Variants in CACNG8 observed in about 807,000 individuals in gnomAD.
CACNG8 encodes the protein calcium voltage-gated channel auxiliary subunit gamma 8, also known as voltage-dependent calcium channel gamma-8 subunit.
A neutral mutation model predicts 26.9 loss-of-function variants in CACNG8; 5 were observed. The ratio of observed to expected loss-of-function variants is 0.19; its 90% confidence interval spans 0.10 to 0.39. CACNG8 has a LOEUF of 0.39. Among genes scored for constraint, CACNG8 ranks in the 10% least tolerant of loss-of-function variants. The pLI is 1.00. For missense variants in CACNG8, 473 were observed against 609.4 expected (o/e 0.78, Z 2.36); for synonymous variants, 321 against 296.7 (o/e 1.08, Z -0.84).
intron 2 of CACNG8, among the ~76,000 whole-genome samples, chr19:53,978,975 A>C (rs903218148): frequency 8.4e-6 from 1 of 119,456 alleles, no homozygotes; most frequent in Non-Finnish European, 1.6e-5. Context: ...ACCCAGGAAG[A>C]TAGAGGAGGC....
Position 53,982,375 on chromosome 19 carries a change from C to T in CACNG8, c.804C>T (p.Phe268=). 1.3e-6 allele frequency: 2 copies of T among 1,530,648 alleles called. No individual in the cohort carries two copies. The highest frequency in any genetic ancestry group is 8.7e-7 in the Non-Finnish European group (1 of 1,144,148). The allele number at this position is 1,530,648 out of a possible 1,614,324, so 94.8% of individuals were successfully genotyped here. A position where few individuals can be genotyped will look rare whatever the true frequency, so the allele number is the denominator to read the frequency against. ...TCCTCCGTCTGCCCAGTTACCGCTT[C>T]CGCTACCGCCGCCGCTCCCGCTCTA... The change falls in exon 4 of 4, where the codon TTC becomes TTT. Residue 268 remains phenylalanine (F), a synonymous_variant. Transcript: ENST00000270458. The surrounding 1 kb of genome is among the most constrained non-coding windows in gnomAD (Gnocchi z 8.4).
At position 53,967,836 on chromosome 19, in the gene CACNG8, A is replaced by C. The variant is rs2069280101; in HGVS notation, c.283+4411A>C. 2.6e-5 allele frequency among the ~76,000 whole-genome samples: 4 copies of C among 152,134 alleles called. No individual in the cohort carries two copies. The South Asian group carries it at 8.3e-4, about 32-fold the overall frequency. The stretch of plus-strand genomic sequence containing the variant: ...GGCAACAGAGAGAGACTCTAAGAAA[A>C]AAAAACTTTTTTTTTTGAATTCCAT... On this transcript the variant is annotated intron_variant, in intron 1 of 3. Transcript: ENST00000270458.
rs748557769 is a variant in CACNG8 at position 53,982,192 on chromosome 19, C to T, written c.621C>T (p.Tyr207=). 5 of 1,613,094 alleles carry T rather than the reference C, an allele frequency of 3.1e-6. No homozygotes were observed. In the African/African-American group the frequency reaches 4.0e-5, roughly 13 times the overall value. The change falls in exon 4 of 4, where the codon TAC becomes TAT. Residue 207 remains tyrosine (Y), a synonymous_variant. Transcript: ENST00000270458. This position sits in a 1 kb window ranked among gnomAD's most constrained non-coding sequence, Gnocchi z 8.4. ...ACTACTCGTACGGCTGGTCCTTCTA[C>T]TTCGGCGGGCTGTCGTTCATCCTGG...
At position 53,988,685 on chromosome 19, in the gene CACNG8, T is replaced by A. The variant is rs80109311; in HGVS notation, c.*5836T>A. On this transcript the variant is annotated 3_prime_UTR_variant, in exon 4 of 4. Coordinates refer to ENST00000270458, the MANE Select transcript of CACNG8 (RefSeq NM_031895.6). Reference sequence around the variant, plus strand: ...AGATAGGGAGATGGGAGGCAGAAAATTGCATCCTGCAATTAGCTGTCACAG... The same window carrying A: ...AGATAGGGAGATGGGAGGCAGAAAAATGCATCCTGCAATTAGCTGTCACAG... 0.036 allele frequency: 5,341 copies of A among 149,054 alleles called. 106 individuals are homozygous for A. Among genetic ancestry groups the A allele is most frequent in the South Asian group, 0.056 (264 of 4,710 alleles). 9.2% of individuals were successfully genotyped at this position (149,054 alleles called of 1,614,324 possible). A position where few individuals can be genotyped will look rare whatever the true frequency, so the allele number is the denominator to read the frequency against.
At position 53,981,531 on chromosome 19, in the gene CACNG8, C is replaced by G. The variant is rs550598110; in HGVS notation, c.509-549C>G. Among the ~76,000 whole-genome samples the G allele has an allele frequency of 5.3e-4, 81 of 151,904 alleles. 1 individual carries two copies. In the East Asian group the frequency reaches 0.015, roughly 28 times the overall value. On this transcript the variant is annotated intron_variant, in intron 3 of 3. Coordinates refer to ENST00000270458, the MANE Select transcript of CACNG8 (RefSeq NM_031895.6). ...CATCTGGGGGTGGGTCCTAGACCAC[C>G]TGGGGCAGAGTTTAGACCAGCCAGG...
At chr19:53,974,938 C>A (rs961268479) in intron 1 of CACNG8, among the ~76,000 whole-genome samples, 10 of 149,366 alleles carry the variant, frequency 6.7e-5, no homozygotes, top group Non-Finnish European at 1.3e-4. Context: ...CCGCACCCAG[C>A]CTATTTTATT....
chr19:53,980,280 C>T lies in CACNG8; in HGVS notation c.508+273C>T, dbSNP rs575054096. On this transcript the variant is annotated intron_variant, in intron 3 of 3. Transcript: ENST00000270458. ...AGGCAGGTGTCTGGCGCGTAAGACG[C>T]CGGGCGCTTAGGATCCCAAGCCCGC... 2.0e-5 allele frequency among the ~76,000 whole-genome samples: 3 copies of T among 152,062 alleles called. No homozygotes were observed. The East Asian group carries it at 5.8e-4, about 30-fold the overall frequency.
chr19:53,982,725 C>G lies in CACNG8; in HGVS notation c.1154C>G (p.Thr385Ser). Residue 385 changes from threonine to serine, a missense_variant, in exon 4 of 4, where the codon ACC (threonine) becomes AGC (serine). Around this residue, in one of 6 missense-constraint regions of CACNG8, gnomAD observed 212 missense variants for 214.4 expected, o/e 0.99. Coordinates refer to ENST00000270458, the MANE Select transcript of CACNG8 (RefSeq NM_031895.6). The surrounding 1 kb of genome is among the most constrained non-coding windows in gnomAD (Gnocchi z 8.4). ...GGCGGCGGCGTCACGGTCACGGTCACCGGGCCGCCCGCCCCGCCCGCGCCC... is the reference window on the plus strand; with the variant it reads ...GGCGGCGGCGTCACGGTCACGGTCAGCGGGCCGCCCGCCCCGCCCGCGCCC... 8.5e-7 allele frequency: 1 copy of G among 1,178,786 alleles called. No individual in the cohort carries two copies. The highest frequency in any genetic ancestry group is 4.0e-5 in the East Asian group (1 of 24,762). The allele number at this position is 1,178,786 out of a possible 1,614,324, so 73.0% of individuals were successfully genotyped here.
rs1388503100 is a variant in CACNG8, at chr19:53,982,982, C to G, written c.*133C>G. On this transcript the variant is annotated 3_prime_UTR_variant, in exon 4 of 4. Transcript: ENST00000270458. The surrounding 1 kb of genome is among the most constrained non-coding windows in gnomAD (Gnocchi z 8.4). ...GGAGACTGCTGGGCCCGCCCCACGC[C>G]CACCCTCCCCGCCCCCCTCCCCCTC... 3 of 458,118 alleles carry G rather than the reference C, an allele frequency of 6.5e-6. No homozygotes were observed. The highest frequency in any genetic ancestry group is 3.2e-6 in the Non-Finnish European group (1 of 308,106). The allele number at this position is 458,118 out of a possible 1,614,324, so 28.4% of individuals were successfully genotyped here.
chr19:53,975,287 T>A lies in CACNG8; in HGVS notation c.284-2859T>A, dbSNP rs531087896. Among the ~76,000 whole-genome samples, 6 of 152,300 alleles carry A rather than the reference T, an allele frequency of 3.9e-5. No individual in the cohort carries two copies. In the East Asian group the frequency reaches 1.2e-3, roughly 29 times the overall value. On this transcript the variant is annotated intron_variant, in intron 1 of 3. Transcript: ENST00000270458. ...TTAATAGTAACCATACTAACGAATA[T>A]GAGGTGGTATCTCACTGTGGTTTTG...
chr19:53,967,254 A>T (rs1182538504), intron 1 of CACNG8, among the ~76,000 whole-genome samples: 3 of 152,180 alleles, frequency 2.0e-5, no homozygotes, highest in Non-Finnish European at 4.4e-5. Flanking sequence ...AGAATAGGGG[A>T]GCCATTCATA....
In CACNG8 at chr19:53,982,944, C is replaced by G; in HGVS notation, c.*95C>G. The stretch of plus-strand genomic sequence containing the variant: ...GGGTCGGGGGCGCCCCCGCTTTCCC[C>G]CGTGAGCGCGCTGGAGACTGCTGGG... On this transcript the variant is annotated 3_prime_UTR_variant, in exon 4 of 4. Coordinates refer to ENST00000270458, the MANE Select transcript of CACNG8 (RefSeq NM_031895.6). This position sits in a 1 kb window ranked among gnomAD's most constrained non-coding sequence, Gnocchi z 8.4. 1 of 862,206 alleles carries G rather than the reference C, an allele frequency of 1.2e-6. No homozygotes were observed. The highest frequency in any genetic ancestry group is 1.5e-6 in the Non-Finnish European group (1 of 675,578). 53.4% of individuals were successfully genotyped at this position (862,206 alleles called of 1,614,324 possible).
chr19:53,972,168 T>G (rs112378671), intron 1 of CACNG8, among the ~76,000 whole-genome samples: 8,383 of 151,892 alleles, frequency 0.055, 243 homozygotes, highest in South Asian at 0.064. Flanking sequence ...CTACTTTTTG[T>G]ATTTTTCAGT....
intron 1 of CACNG8, among the ~76,000 whole-genome samples, chr19:53,975,414 C>G (rs376251009): frequency 1.3e-5 from 2 of 148,790 alleles, no homozygotes; most frequent in East Asian, 2.1e-4. Context: ...GAGTCTCGCT[C>G]TCTCGCCCAG....
At chr19:53,975,910 G>C (rs1259135230) in intron 1 of CACNG8, among the ~76,000 whole-genome samples, 1 of 152,178 alleles carries the variant, frequency 6.6e-6, no homozygotes, top group Non-Finnish European at 1.5e-5. Flanking sequence ...GTACTTAATT[G>C]TGTTCAAGGC....
chr19:53,975,007 G>A (rs1177428631), intron 1 of CACNG8, among the ~76,000 whole-genome samples: 2 of 150,930 alleles, frequency 1.3e-5, no homozygotes, highest in Non-Finnish European at 2.9e-5. Context: ...GGAGTGCAGT[G>A]GCGCTATCTT....
rs1347418264 is a variant in CACNG8 at position 53,982,753 on chromosome 19, G to C, written c.1182G>C (p.Ala394=). The C allele has an allele frequency of 3.3e-6, 4 of 1,207,362 alleles. No homozygotes were observed. Among genetic ancestry groups the C allele is most frequent in the East Asian group, 7.4e-5 (2 of 27,054 alleles). 74.8% of individuals were successfully genotyped at this position (1,207,362 alleles called of 1,614,324 possible). A position where few individuals can be genotyped will look rare whatever the true frequency, so the allele number is the denominator to read the frequency against. Reference sequence around the variant, plus strand: ...GGCCGCCCGCCCCGCCCGCGCCCGCGCCACCCGCGCCCTCTGCGCCCGCCC... The same window carrying C: ...GGCCGCCCGCCCCGCCCGCGCCCGCCCCACCCGCGCCCTCTGCGCCCGCCC... Residue 394 remains alanine, a synonymous_variant, in exon 4 of 4, where the codon GCG becomes GCC. Coordinates refer to ENST00000270458, the MANE Select transcript of CACNG8 (RefSeq NM_031895.6). The surrounding 1 kb of genome is among the most constrained non-coding windows in gnomAD (Gnocchi z 8.4).
In CACNG8 at chr19:53,966,918, T is replaced by C. The variant is rs565869378; in HGVS notation, c.283+3493T>C. On this transcript the variant is annotated intron_variant, in intron 1 of 3. Coordinates refer to ENST00000270458, the MANE Select transcript of CACNG8 (RefSeq NM_031895.6). ...GGAAGTTGTTTGAATTTTGAGTATA[T>C]TCTGGAGCTACCGTGGGCAGGAGTT... 2.0e-5 allele frequency among the ~76,000 whole-genome samples: 3 copies of C among 152,240 alleles called. No homozygotes were observed. In the East Asian group the frequency reaches 5.8e-4, roughly 29 times the overall value.
rs1356561433 is a variant in CACNG8, at chr19:53,983,002, C to T, written c.*153C>T. 7 of 382,386 alleles carry T rather than the reference C, an allele frequency of 1.8e-5. No individual in the cohort carries two copies. In the East Asian group the frequency reaches 3.7e-4, roughly 20 times the overall value. 23.7% of individuals were successfully genotyped at this position (382,386 alleles called of 1,614,324 possible). A position where few individuals can be genotyped will look rare whatever the true frequency, so the allele number is the denominator to read the frequency against. On this transcript the variant is annotated 3_prime_UTR_variant, in exon 4 of 4. Coordinates refer to ENST00000270458, the MANE Select transcript of CACNG8 (RefSeq NM_031895.6). ...CACGCCCACCCTCCCCGCCCCCCTC[C>T]CCCTCCGAAGCAGGGACCCCGAGGG...
Sources: gnomAD v4.1 joint callset for allele counts (sites outside exome capture counted in the v4.1 genomes callset) on GRCh38, gnomAD v4.1.1 for gene constraint, gnomAD v4.1.1 regional missense constraint, Gnocchi (gnomAD v3.1) non-coding constraint, MANE v1.5 for transcripts, NCBI Gene and HGNC (gene_info 2026-07-23, HGNC 2026-07-21) for gene names.